Variants in CSMD1 observed in about 807,000 individuals in gnomAD.
The protein encoded by CSMD1 is CUB and sushi domain-containing protein 1.
CSMD1 carries 213 observed loss-of-function variants against 417.5 expected under a neutral mutation model. The observed-to-expected ratio is 0.51, with a 90% CI of 0.46 to 0.57. The LOEUF (loss-of-function observed/expected upper bound fraction) is 0.57. Among genes scored for constraint, CSMD1 ranks in the 20% least tolerant of loss-of-function variants. The pLI is 0.00. For synonymous variants in CSMD1, 2,862 were observed against 1,736.8 expected (o/e 1.65, Z -16.11); for missense variants, 6,923 against 4,529.7 (o/e 1.53, Z -15.17).
chr8:3,091,642 G>A lies in CSMD1; in HGVS notation c.7159C>T (p.Leu2387=), dbSNP rs568456873. Residue 2387 remains leucine, a synonymous_variant, in exon 48 of 70, where the codon CTG becomes TTG. Transcript: ENST00000635120. The part of the protein sequence containing the change: ...VFDGSSGQSP[L]LVVLSGNHTE... ...TGATTCCCACTTAAGACTACTAGCAGAGGACTTTGCCCAGAAGAACCTAAG... is the reference window on the plus strand; with the variant it reads ...TGATTCCCACTTAAGACTACTAGCAAAGGACTTTGCCCAGAAGAACCTAAG... 2 of 1,610,260 alleles carry A rather than the reference G, an allele frequency of 1.2e-6. No individual in the cohort carries two copies. The highest frequency in any genetic ancestry group is 2.2e-5 in the East Asian group (1 of 44,720).
intron 1 of CSMD1, among the ~76,000 whole-genome samples, chr8:4,645,062 C>A (rs975249332): frequency 9.2e-5 from 14 of 152,168 alleles, no homozygotes; most frequent in African/African-American, 3.4e-4. Context: ...TATTTTAATT[C>A]CAAAAGCAGA....
chr8:4,791,819 C>G (rs2043811), intron 1 of CSMD1, among the ~76,000 whole-genome samples: 1 of 152,028 alleles, frequency 6.6e-6, no homozygotes, highest in East Asian at 1.9e-4. Context: ...TTCTCTGACA[C>G]TGACCTACAA....
chr8:3,456,348 C>G (rs888882978), intron 12 of CSMD1, among the ~76,000 whole-genome samples: 1 of 152,154 alleles, frequency 6.6e-6, no homozygotes, highest in Non-Finnish European at 1.5e-5. Context: ...AACGAGGTAC[C>G]TCAGTTAGAA....
intron 2 of CSMD1, among the ~76,000 whole-genome samples, chr8:4,585,261 T>C (rs566906068): frequency 2.0e-5 from 3 of 152,222 alleles, no homozygotes; most frequent in Non-Finnish European, 4.4e-5. Context: ...TGGAGTCACA[T>C]GGAAATTCTG....
intron 3 of CSMD1, among the ~76,000 whole-genome samples, chr8:4,259,462 T>G (rs1803720286): frequency 6.6e-6 from 1 of 152,166 alleles, no homozygotes; most frequent in Admixed American, 6.5e-5. Flanking sequence ...GCCTTAAGCT[T>G]TAGGCTTAAA....
chr8:3,850,103 T>A (rs1014319788), intron 5 of CSMD1, among the ~76,000 whole-genome samples: 2 of 152,218 alleles, frequency 1.3e-5, no homozygotes, highest in African/African-American at 4.8e-5. Context: ...GCAAAGAGTA[T>A]ATCTTTTTGA....
chr8:4,185,965 C>G (rs1202068173), intron 3 of CSMD1, among the ~76,000 whole-genome samples: 1 of 152,098 alleles, frequency 6.6e-6, no homozygotes, highest in Non-Finnish European at 1.5e-5. Flanking sequence ...CGGTGGAATA[C>G]AGAAATCATT....
At chr8:3,723,050 C>T (rs1432876849) in intron 6 of CSMD1, among the ~76,000 whole-genome samples, 6 of 152,150 alleles carry the variant, frequency 3.9e-5, no homozygotes, top group Admixed American at 3.3e-4. Flanking sequence ...AAGGAACTAG[C>T]GCAGCTGCTT....
intron 23 of CSMD1, 109 bp from the exon 24 acceptor site, chr8:3,308,612 A>T: frequency 2.6e-6 from 2 of 777,816 alleles, no homozygotes; most frequent in South Asian, 3.9e-5. Context: ...GGTAGGGAGA[A>T]AAAAGGAGAT....
chr8:4,418,270 C>G (rs1297602214), intron 3 of CSMD1, among the ~76,000 whole-genome samples: 3 of 152,086 alleles, frequency 2.0e-5, no homozygotes, highest in Non-Finnish European at 4.4e-5. Context: ...ACTTATGGCC[C>G]TATTCCATTT....
At chr8:3,919,884 T>C (rs1375809020) in intron 5 of CSMD1, among the ~76,000 whole-genome samples, 1 of 152,152 alleles carries the variant, frequency 6.6e-6, no homozygotes, top group Admixed American at 6.6e-5. Context: ...TCATTCTTTT[T>C]AATGACATTC....
intron 69 of CSMD1, among the ~76,000 whole-genome samples, chr8:2,939,666 C>T (rs549136229): frequency 6.6e-6 from 1 of 152,256 alleles, no homozygotes; most frequent in South Asian, 2.1e-4. Context: ...GAAACTTCTG[C>T]CGAGACATTT....
At chr8:3,248,835 G>A (rs6986315) in intron 26 of CSMD1, among the ~76,000 whole-genome samples, 117,606 of 151,852 alleles carry the variant, frequency 0.77, 46,047 homozygotes, top group Non-Finnish European at 0.83. Flanking sequence ...TACTTACTCT[G>A]TTAATCTTAG....
At chr8:3,242,577 G>C (rs1373460473) in intron 26 of CSMD1, among the ~76,000 whole-genome samples, 1 of 152,092 alleles carries the variant, frequency 6.6e-6, no homozygotes, top group Non-Finnish European at 1.5e-5. Context: ...GTTTGTACTG[G>C]GGTCAAGCGG....
At chr8:3,710,453 C>T (rs1223800667) in intron 6 of CSMD1, among the ~76,000 whole-genome samples, 1 of 152,158 alleles carries the variant, frequency 6.6e-6, no homozygotes, top group Non-Finnish European at 1.5e-5. Context: ...GCCCAGCCAA[C>T]TCAGTAACCG....
At position 3,147,625 on chromosome 8, in the gene CSMD1, C is replaced by G. The variant is rs548441918; in HGVS notation, c.6031+3772G>C. ...CCTGCACACAGTAAAATTTGAGCAC[C>G]CTGGGGGGCAGTCATTTTCCTTGTT... On this transcript the variant is annotated intron_variant, in intron 40 of 69. Transcript: ENST00000635120. Among the ~76,000 whole-genome samples the G allele has an allele frequency of 9.2e-5, 14 of 152,228 alleles. 1 individual carries two copies. The South Asian group carries it at 2.3e-3, about 25-fold the overall frequency.
At chr8:3,862,303 T>C (rs561408049) in intron 5 of CSMD1, among the ~76,000 whole-genome samples, 6 of 152,340 alleles carry the variant, frequency 3.9e-5, no homozygotes, top group African/African-American at 1.4e-4. Context: ...ATTTACATTC[T>C]CCTTTCTGTC....
intron 3 of CSMD1, among the ~76,000 whole-genome samples, chr8:4,260,060 G>A (rs1161461643): frequency 6.6e-6 from 1 of 151,382 alleles, no homozygotes; most frequent in Non-Finnish European, 1.5e-5. Context: ...AAAGGGAAGT[G>A]TTGTCTTAGA....
At chr8:3,083,546 G>T (rs1488451603) in intron 49 of CSMD1, among the ~76,000 whole-genome samples, 1 of 128,490 alleles carries the variant, frequency 7.8e-6, no homozygotes, top group Admixed American at 8.8e-5. Context: ...GTTATACACA[G>T]CCAAATGTGC....
Sources: gnomAD v4.1 joint callset for allele counts (sites outside exome capture counted in the v4.1 genomes callset) on GRCh38, gnomAD v4.1.1 for gene constraint, MANE v1.5 for transcripts, NCBI Gene and HGNC (gene_info 2026-07-23, HGNC 2026-07-21) for gene names.